PRRG1: variants seen among roughly 807,000 people sequenced by gnomAD.
PRRG1 encodes transmembrane gamma-carboxyglutamic acid protein 1.
A neutral mutation model predicts 11.8 loss-of-function variants in PRRG1; 5 were observed. The ratio of observed to expected loss-of-function variants is 0.42; its 90% CI spans 0.22 to 0.89. The LOEUF (loss-of-function observed/expected upper bound fraction) is 0.89. Among genes scored for constraint, PRRG1 ranks in the 40% least tolerant of loss-of-function variants. The pLI is 0.28. For missense variants in PRRG1, 155 were observed against 166.1 expected (o/e 0.93, Z 0.37); for synonymous variants, 66 against 60.4 (o/e 1.09, Z -0.43).
intron 1 of PRRG1, among the ~76,000 whole-genome samples, chrX:37,397,625 A>G (rs781783095): frequency 8.9e-6 from 1 of 112,265 alleles, no homozygotes; most frequent in East Asian, 2.8e-4. Flanking sequence ...ATCACTATTG[A>G]TATTGAAGGA....
chrX:37,414,292 G>A (rs562062221), intron 2 of PRRG1, among the ~76,000 whole-genome samples: 9 of 111,346 alleles, frequency 8.1e-5, no homozygotes, highest in South Asian at 7.8e-4. Context: ...TCTCCCACTC[G>A]GTGGTTTGTC....
chrX:37,397,478 A>G (rs2146564772), intron 1 of PRRG1, among the ~76,000 whole-genome samples: 1 of 112,562 alleles, frequency 8.9e-6, no homozygotes. Flanking sequence ...GGCTAGATAC[A>G]GGTGTTGAAG....
chrX:37,350,209 C>G (rs782187610), intron 1 of PRRG1, among the ~76,000 whole-genome samples: 20 of 112,336 alleles, frequency 1.8e-4, no homozygotes, highest in Admixed American at 1.0e-3. Flanking sequence ...CGTTTGGACT[C>G]TGGCTCCAGC....
At position 37,370,543 on chromosome X, in the gene PRRG1, G is replaced by C. The variant is rs781961158; in HGVS notation, c.-42+21148G>C. 2.1e-4 allele frequency among the ~76,000 whole-genome samples: 23 copies of C among 111,479 alleles called. No homozygotes were observed. The East Asian group carries it at 5.2e-3, about 25-fold the overall frequency. On this transcript the variant is annotated intron_variant, in intron 1 of 3. Transcript: ENST00000378628. Reference sequence around the variant, plus strand: ...CATGGCTGTGGACCCAGGACTTCCTGTGCCCTTGGGGGCTGGGAGCAGGCT... The same window carrying C: ...CATGGCTGTGGACCCAGGACTTCCTCTGCCCTTGGGGGCTGGGAGCAGGCT...
At chrX:37,397,081 A>G (rs1931743752) in intron 1 of PRRG1, among the ~76,000 whole-genome samples, 2 of 112,823 alleles carry the variant, frequency 1.8e-5, no homozygotes, top group East Asian at 5.5e-4. Context: ...ACAGGAAAGA[A>G]CAGTCTCCCA....
chrX:37,444,603 C>T (rs1556394675), intron 3 of PRRG1, among the ~76,000 whole-genome samples: 2 of 111,619 alleles, frequency 1.8e-5, no homozygotes, highest in African/African-American at 6.5e-5. Context: ...GAGTTATCAC[C>T]ATAATCACCC....
At chrX:37,421,951 C>T (rs1308740841) in intron 2 of PRRG1, among the ~76,000 whole-genome samples, 1 of 111,826 alleles carries the variant, frequency 8.9e-6, no homozygotes, top group Non-Finnish European at 1.9e-5. Flanking sequence ...TACTTGCCAG[C>T]TGAATCCATG....
At chrX:37,379,031 C>CTTTT (rs56857980) in intron 1 of PRRG1, among the ~76,000 whole-genome samples, 8 of 28,761 alleles carry the variant, frequency 2.8e-4, no homozygotes, top group African/African-American at 6.4e-4. Context: ...CATCTTTTTG[C>CTTTT]TTTTTTTTTT....
intron 3 of PRRG1, among the ~76,000 whole-genome samples, chrX:37,449,004 C>CA (rs1450937884): frequency 9.0e-6 from 1 of 111,392 alleles, no homozygotes; most frequent in Non-Finnish European, 1.9e-5. Context: ...ACCTTAGAGA[C>CA]AAAGAAATTG....
intron 1 of PRRG1, among the ~76,000 whole-genome samples, chrX:37,376,953 A>T (rs1410658323): frequency 9.0e-6 from 1 of 110,537 alleles, no homozygotes; most frequent in Non-Finnish European, 1.9e-5. Flanking sequence ...ACTGTTCTTA[A>T]TACAATGCCT....
At chrX:37,428,299 C>A (rs1399958309) in intron 3 of PRRG1, among the ~76,000 whole-genome samples, 2 of 111,472 alleles carry the variant, frequency 1.8e-5, no homozygotes, top group Non-Finnish European at 1.9e-5. Context: ...AGTCCAAAGT[C>A]TAATCTGAGA....
At chrX:37,436,865 C>T (rs991201680) in intron 3 of PRRG1, among the ~76,000 whole-genome samples, 1 of 112,322 alleles carries the variant, frequency 8.9e-6, no homozygotes, top group Admixed American at 9.4e-5. Flanking sequence ...CCTGCCTTCC[C>T]TAGACGCATC....
chrX:37,399,546 A>G (rs2146569141), intron 1 of PRRG1, among the ~76,000 whole-genome samples: 1 of 109,894 alleles, frequency 9.1e-6, no homozygotes, highest in South Asian at 4.2e-4. Context: ...TGTAAAGACC[A>G]TCGAGACTAG....
intron 1 of PRRG1, among the ~76,000 whole-genome samples, chrX:37,384,334 A>G (rs982370644): frequency 1.8e-5 from 2 of 111,621 alleles, no homozygotes; most frequent in African/African-American, 6.5e-5. Flanking sequence ...TTCTTGAGCT[A>G]TCTCCTATGT....
chrX:37,392,523 T>C (rs1190819400), intron 1 of PRRG1, among the ~76,000 whole-genome samples: 1 of 99,558 alleles, frequency 1.0e-5, no homozygotes, highest in Non-Finnish European at 2.0e-5. Context: ...ACCCTGTCTA[T>C]ACAAAAAAAA....
intron 2 of PRRG1, among the ~76,000 whole-genome samples, chrX:37,420,849 G>C (rs1447179082): frequency 9.1e-6 from 1 of 110,100 alleles, no homozygotes; most frequent in Non-Finnish European, 1.9e-5. Flanking sequence ...GCTACAGAGC[G>C]AAACTCTGTC....
At chrX:37,407,536 C>T (rs1556382397) in intron 2 of PRRG1, among the ~76,000 whole-genome samples, 1 of 111,864 alleles carries the variant, frequency 8.9e-6, no homozygotes, top group Non-Finnish European at 1.9e-5. Flanking sequence ...TCCACCTCTA[C>T]TACCTTGATC....
At chrX:37,384,698 A>G (rs782620542) in intron 1 of PRRG1, among the ~76,000 whole-genome samples, 5 of 112,034 alleles carry the variant, frequency 4.5e-5, no homozygotes, top group Admixed American at 9.5e-5. Context: ...CAAAGGGCCA[A>G]TGTGCAAAAA....
intron 3 of PRRG1, among the ~76,000 whole-genome samples, chrX:37,451,986 T>C (rs1921158195): frequency 8.9e-6 from 1 of 111,883 alleles, no homozygotes; most frequent in African/African-American, 3.2e-5. Context: ...AGCTCTTCTT[T>C]TTCCAATTTG....
Sources: gnomAD v4.1 joint callset for allele counts (sites outside exome capture counted in the v4.1 genomes callset) on GRCh38, gnomAD v4.1.1 for gene constraint, MANE v1.5 for transcripts, NCBI Gene and HGNC (gene_info 2026-07-23, HGNC 2026-07-21) for gene names.